The following DNAH8 variants were observed in gnomAD, a reference collection of about 807,000 sequenced individuals.
DNAH8 encodes the protein axonemal beta dynein heavy chain 8.
Under a neutral mutation model 562.1 loss-of-function variants are expected in DNAH8, and 382 were observed. The ratio of observed to expected loss-of-function variants is 0.68; its 90% CI spans 0.63 to 0.74. The LOEUF (loss-of-function observed/expected upper bound fraction) is 0.74, where lower values mean the gene tolerates loss of function less well. Among genes scored for constraint, DNAH8 ranks in the 30% least tolerant of loss-of-function variants. The pLI is 0.00. For synonymous variants in DNAH8, 1,881 were observed against 1,919.4 expected, an observed-to-expected ratio of 0.98 and a Z score of 0.52; for missense variants, 5,203 against 5,620.4, an observed-to-expected ratio of 0.93 and a Z score of 2.37.
intron 19 of DNAH8, 133 bp from the exon 20 acceptor site, chr6:38,790,156 T>G: frequency 1.4e-6 from 1 of 711,260 alleles, no homozygotes; most frequent in South Asian, 1.7e-5. Context: ...AAAAGTCATC[T>G]TTATTAGGTG....
intron 3 of DNAH8, among the ~76,000 whole-genome samples, chr6:38,724,415 T>C (rs530720676): frequency 9.2e-5 from 14 of 152,308 alleles, no homozygotes; most frequent in African/African-American, 3.4e-4. Context: ...TGACGGTAGG[T>C]AATATTTTAC....
At chr6:39,019,761 TGGAGA>T (rs1447484019) in intron 91 of DNAH8, among the ~76,000 whole-genome samples, 1 of 152,158 alleles carries the variant, frequency 6.6e-6, no homozygotes, top group Non-Finnish European at 1.5e-5. Context: ...AATGGGGTAC[TGGAGA>T]GACCCAGGTG....
intron 79 of DNAH8, among the ~76,000 whole-genome samples, chr6:38,943,672 CTTTT>C (rs1783631134): frequency 6.6e-6 from 1 of 152,072 alleles, no homozygotes; most frequent in African/African-American, 2.4e-5. Flanking sequence ...TATTATCTTT[CTTTT>C]GTCATAGACT....
In DNAH8 at chr6:38,903,614, T is replaced by C. The variant is rs1156443811; in HGVS notation, c.9195-2640T>C. On this transcript the variant is annotated intron_variant, in intron 62 of 92. Transcript: ENST00000327475. ...GTTTTCTTTTTCTTTCTTTCTTCCTTTTTTTTTTTTTTTTTTGAGAAGGAG... is the reference window on the plus strand; with the variant it reads ...GTTTTCTTTTTCTTTCTTTCTTCCTCTTTTTTTTTTTTTTTTGAGAAGGAG... Among the ~76,000 whole-genome samples the C allele has an allele frequency of 1.9e-3, 161 of 85,954 alleles. 8 individuals are homozygous for C. In the African/African-American group the frequency reaches 0.023, roughly 12 times the overall value. 56.4% of individuals were successfully genotyped at this position (85,954 alleles called of 152,430 possible). A position where few individuals can be genotyped will look rare whatever the true frequency, so the allele number is the denominator to read the frequency against.
intron 91 of DNAH8, among the ~76,000 whole-genome samples, chr6:39,023,791 T>A (rs1472656021): frequency 3.9e-5 from 6 of 152,232 alleles, no homozygotes; most frequent in Non-Finnish European, 8.8e-5. Context: ...ACATGTATCT[T>A]CTCTACGTTC....
intron 65 of DNAH8, among the ~76,000 whole-genome samples, chr6:38,910,453 G>A (rs1170295296): frequency 6.6e-6 from 1 of 152,174 alleles, no homozygotes; most frequent in Admixed American, 6.5e-5. Context: ...CTTCACAAAA[G>A]TTTATTTATT....
chr6:38,805,436 C>T, intron 22 of DNAH8, 45 bp from the exon 23 acceptor site: 3 of 1,247,726 alleles, frequency 2.4e-6, no homozygotes, highest in Non-Finnish European at 3.5e-6. Context: ...ACAGACAATG[C>T]TAAAAAGTCA....
intron 8 of DNAH8, among the ~76,000 whole-genome samples, chr6:38,743,004 GTGCTT>G (rs1764641783): frequency 3.5e-5 from 3 of 86,376 alleles, no homozygotes; most frequent in South Asian, 4.3e-4. Context: ...TGTTGTTGTT[GTGCTT>G]TTTTTTTTTT....
At chr6:38,928,624 A>G (rs545711629) in intron 74 of DNAH8, among the ~76,000 whole-genome samples, 2 of 152,298 alleles carry the variant, frequency 1.3e-5, no homozygotes, top group Non-Finnish European at 1.5e-5. Flanking sequence ...TCTTTTTATC[A>G]TAGTAATTGA....
At chr6:38,773,188 T>C (rs1767745775) in intron 12 of DNAH8, among the ~76,000 whole-genome samples, 1 of 151,954 alleles carries the variant, frequency 6.6e-6, no homozygotes, top group African/African-American at 2.4e-5. Flanking sequence ...ATAGGTCTCA[T>C]TGGTCAGGAC....
chr6:38,861,955 T>G lies in DNAH8; in HGVS notation c.6132-325T>G, dbSNP rs114951354. Among the ~76,000 whole-genome samples the G allele has an allele frequency of 4.9e-3, 741 of 151,450 alleles. 6 individuals are homozygous for G. The highest frequency in any genetic ancestry group is 0.017 in the African/African-American group (704 of 41,324). On this transcript the variant is annotated intron_variant, in intron 43 of 92. Transcript: ENST00000327475. ...TGGCAAACATGAAAACCAGGTTTTT[T>G]TTTTTTTTTTCTGGAGAGCCAGTTG...
intron 31 of DNAH8, among the ~76,000 whole-genome samples, chr6:38,833,101 A>G (rs577571781): frequency 3.8e-4 from 58 of 152,318 alleles, no homozygotes; most frequent in African/African-American, 1.4e-3. Flanking sequence ...ATGCTACTCA[A>G]ACTGGTATTC....
At chr6:38,902,484 C>A (rs1780142836) in intron 62 of DNAH8, among the ~76,000 whole-genome samples, 1 of 152,124 alleles carries the variant, frequency 6.6e-6, no homozygotes, top group Non-Finnish European at 1.5e-5. Context: ...TGCTTACCTG[C>A]CTTGCCTTTC....
intron 41 of DNAH8, among the ~76,000 whole-genome samples, chr6:38,856,768 A>G (rs531312793): frequency 1.3e-5 from 2 of 152,092 alleles, no homozygotes; most frequent in Non-Finnish European, 2.9e-5. Context: ...CAGTATCCAC[A>G]TACTGCCTGC....
At chr6:38,952,984 C>G (rs564973799) in intron 82 of DNAH8, 1 of 152,304 alleles carries the variant, frequency 6.6e-6, no homozygotes, top group Admixed American at 6.5e-5. Context: ...GAGTGTTTAT[C>G]CAGCTGCCTC....
At chr6:39,026,979 G>T (rs1767335737) in intron 92 of DNAH8, among the ~76,000 whole-genome samples, 1 of 152,170 alleles carries the variant, frequency 6.6e-6, no homozygotes, top group South Asian at 2.1e-4. Flanking sequence ...CTAGCACTTT[G>T]GGAGGCTGAG....
At chr6:38,868,732 G>A (rs1777254910) in intron 48 of DNAH8, among the ~76,000 whole-genome samples, 2 of 150,212 alleles carry the variant, frequency 1.3e-5, no homozygotes, top group Admixed American at 1.3e-4. Context: ...GTGCAGTGGT[G>A]CAATCTTGGC....
intron 18 of DNAH8, among the ~76,000 whole-genome samples, chr6:38,788,244 T>C (rs1331313726): frequency 6.6e-6 from 1 of 151,964 alleles, no homozygotes; most frequent in African/African-American, 2.4e-5. Flanking sequence ...CTCCGCCTCC[T>C]GGGTTCAAGC....
intron 21 of DNAH8, among the ~76,000 whole-genome samples, chr6:38,800,518 C>T (rs1770693850): frequency 6.6e-6 from 1 of 151,964 alleles, no homozygotes; most frequent in African/African-American, 2.4e-5. Context: ...CTTTCATGTG[C>T]TTATTTTTAT....
Sources: allele counts gnomAD v4.1 joint callset (sites outside exome capture counted in the v4.1 genomes callset), GRCh38; gene constraint gnomAD v4.1.1; transcripts MANE v1.5; gene names NCBI Gene and HGNC (gene_info 2026-07-23, HGNC 2026-07-21).